The following ANTXR1 variants were observed in gnomAD, a reference collection of about 807,000 sequenced individuals.
The protein encoded by ANTXR1 is ANTXR cell adhesion molecule 1, also known as anthrax toxin receptor 1.
Under a neutral mutation model 78.1 loss-of-function variants are expected in ANTXR1, and 19 were observed. The observed-to-expected ratio is 0.24, with a 90% CI of 0.17 to 0.36. The LOEUF (loss-of-function observed/expected upper bound fraction) is 0.36. ANTXR1 is among the 10% of genes least tolerant of loss of function. The pLI, the probability that ANTXR1 is intolerant of heterozygous loss-of-function variation, is 1.00. For synonymous variants in ANTXR1, 273 were observed against 260.5 expected (o/e 1.05, Z -0.46); for missense variants, 518 against 718.6 (o/e 0.72, Z 3.19).
rs1190221627 is a variant in ANTXR1 at position 69,123,283 on chromosome 2, T to C, written c.872+197T>C. ...AAGTATCTCACTTCATTCTCCCAGGTTCCCCATTAACTAGGTATTCCCACT... is the reference window on the plus strand; with the variant it reads ...AAGTATCTCACTTCATTCTCCCAGGCTCCCCATTAACTAGGTATTCCCACT... On this transcript the variant is annotated intron_variant, in intron 11 of 17. Transcript: ENST00000303714. 2.6e-5 allele frequency among the ~76,000 whole-genome samples: 4 copies of C among 152,136 alleles called. No individual in the cohort carries two copies. In the East Asian group the frequency reaches 7.7e-4, roughly 29 times the overall value.
At chr2:69,175,681 T>TG (rs1043355275) in intron 14 of ANTXR1, among the ~76,000 whole-genome samples, 46 of 152,070 alleles carry the variant, frequency 3.0e-4, no homozygotes, top group African/African-American at 1.1e-3. Context: ...ATATATGCAC[T>TG]GGGGGGCGGG....
At position 69,220,347 on chromosome 2, in the gene ANTXR1, C is replaced by T. The variant is rs534369748; in HGVS notation, c.1435-24878C>T. On this transcript the variant is annotated intron_variant, in intron 17 of 17. Transcript: ENST00000303714. ...TTGAGTTTCCTGACCAAAATTAAACCGTTGCAGTTGTAGTATCTTTCTCTT... is the reference window on the plus strand; with the variant it reads ...TTGAGTTTCCTGACCAAAATTAAACTGTTGCAGTTGTAGTATCTTTCTCTT... Among the ~76,000 whole-genome samples, 13 of 152,214 alleles carry T rather than the reference C, an allele frequency of 8.5e-5. No homozygotes were observed. The South Asian group carries it at 1.0e-3, about 12-fold the overall frequency.
chr2:69,051,404 A>G (rs1669930735), intron 3 of ANTXR1, among the ~76,000 whole-genome samples: 1 of 151,996 alleles, frequency 6.6e-6, no homozygotes, highest in Non-Finnish European at 1.5e-5. Flanking sequence ...TCCTGTTCTT[A>G]TTATTGTTAA....
rs181448445 is a variant in ANTXR1 at position 69,016,053 on chromosome 2, T to C, written c.152+2402T>C. On this transcript the variant is annotated intron_variant, in intron 1 of 17. Coordinates refer to ENST00000303714, the MANE Select transcript of ANTXR1 (RefSeq NM_032208.3). The stretch of plus-strand genomic sequence containing the variant: ...TCAGTATTGGCCAATTTGTGGGAGA[T>C]AGGCACTGTCATTTCTTACTAGGGA... 1.4e-3 allele frequency among the ~76,000 whole-genome samples: 217 copies of C among 152,322 alleles called. 1 individual carries two copies. The highest frequency in any genetic ancestry group is 4.9e-3 in the African/African-American group (204 of 41,576).
At chr2:69,221,683 CAAA>C (rs200296772) in intron 17 of ANTXR1, among the ~76,000 whole-genome samples, 2 of 80,448 alleles carry the variant, frequency 2.5e-5, no homozygotes, top group Admixed American at 1.4e-4. Flanking sequence ...TTCCCCACTA[CAAA>C]AAAAAAAAAA....
intron 12 of ANTXR1, among the ~76,000 whole-genome samples, chr2:69,137,953 G>A (rs1042422337): frequency 6.6e-6 from 1 of 151,638 alleles, no homozygotes; most frequent in South Asian, 2.1e-4. Context: ...GTGTGGTAGC[G>A]GACACCTGTA....
intron 3 of ANTXR1, among the ~76,000 whole-genome samples, chr2:69,062,860 A>G (rs1670288424): frequency 6.6e-6 from 1 of 152,180 alleles, no homozygotes; most frequent in Admixed American, 6.5e-5. Context: ...GGGGGAAGAT[A>G]TGGGTGATCA....
intron 1 of ANTXR1, among the ~76,000 whole-genome samples, chr2:69,024,504 A>C (rs1671286283): frequency 6.6e-6 from 1 of 152,198 alleles, no homozygotes; most frequent in Non-Finnish European, 1.5e-5. Flanking sequence ...AGCTGAGAAG[A>C]AGCAGAACAG....
At chr2:69,103,141 A>T (rs1671681534) in intron 10 of ANTXR1, 5 of 643,680 alleles carry the variant, frequency 7.8e-6, no homozygotes, top group South Asian at 6.6e-5. Flanking sequence ...GCACAGCCCC[A>T]TGGGTGTCCA....
Position 69,145,259 on chromosome 2 carries a change from C to T in ANTXR1, c.952-6910C>T. 6 of 1,499,686 alleles carry T rather than the reference C, an allele frequency of 4.0e-6. No individual in the cohort carries two copies. In the South Asian group the frequency reaches 7.2e-5, roughly 18 times the overall value. The allele number at this position is 1,499,686 out of a possible 1,614,324, so 92.9% of individuals were successfully genotyped here. On this transcript the variant is annotated intron_variant, in intron 12 of 17. Transcript: ENST00000303714. The stretch of plus-strand genomic sequence containing the variant: ...TCACTTGCATGGGTCCCTGCTAGGC[C>T]CTTCTAAGGCCAGGGGAGTAGCCCT...
chr2:69,098,918 G>C (rs868063374), intron 9 of ANTXR1, among the ~76,000 whole-genome samples: 1 of 152,140 alleles, frequency 6.6e-6, no homozygotes, highest in South Asian at 2.1e-4. Flanking sequence ...CTTAGGAGGC[G>C]GAGGTTGCAG....
At chr2:69,100,657 A>G (rs1358784782) in intron 9 of ANTXR1, among the ~76,000 whole-genome samples, 1 of 152,268 alleles carries the variant, frequency 6.6e-6, no homozygotes, top group Non-Finnish European at 1.5e-5. Context: ...AAGTAGGCAC[A>G]GAAGTGAGGC....
At chr2:69,077,310 A>C in intron 7 of ANTXR1, 98 bp from the exon 8 acceptor site, 1 of 1,303,148 alleles carries the variant, frequency 7.7e-7, no homozygotes, top group Non-Finnish European at 1.1e-6. Context: ...TGGGTTCTGA[A>C]TATAACTAGA....
chr2:69,174,824 C>G (rs900327498), intron 14 of ANTXR1, among the ~76,000 whole-genome samples: 1 of 152,290 alleles, frequency 6.6e-6, no homozygotes, highest in Non-Finnish European at 1.5e-5. Flanking sequence ...ATGTGAAGCA[C>G]TTTTTGTGGT....
chr2:69,100,486 C>T (rs1326470295), intron 9 of ANTXR1, among the ~76,000 whole-genome samples: 1 of 152,182 alleles, frequency 6.6e-6, no homozygotes, highest in Non-Finnish European at 1.5e-5. Flanking sequence ...TTCCTAAACT[C>T]CCTGAGGTGG....
At chr2:69,016,998 G>C (rs1287195172) in intron 1 of ANTXR1, among the ~76,000 whole-genome samples, 1 of 152,192 alleles carries the variant, frequency 6.6e-6, no homozygotes, top group African/African-American at 2.4e-5. Flanking sequence ...ATGGTGGGGA[G>C]ACCTTTACAG....
At chr2:69,033,440 A>C (rs753637691) in intron 1 of ANTXR1, among the ~76,000 whole-genome samples, 2 of 152,206 alleles carry the variant, frequency 1.3e-5, no homozygotes, top group Non-Finnish European at 2.9e-5. Flanking sequence ...CAAGGGTCTA[A>C]TATGCAAAGA....
Position 69,082,582 on chromosome 2 carries a change from A to G in ANTXR1, c.642+5094A>G, listed in dbSNP as rs1452429226. On this transcript the variant is annotated intron_variant, in intron 8 of 17. Transcript: ENST00000303714. ...TCCTGGGTCTTTGCTTGCCTTTTCA[A>G]AAGTGTTTCAGGCAGTGAAACAGGA... Among the ~76,000 whole-genome samples, 4 of 152,250 alleles carry G rather than the reference A, an allele frequency of 2.6e-5. No homozygotes were observed. In the East Asian group the frequency reaches 7.7e-4, roughly 29 times the overall value.
intron 10 of ANTXR1, among the ~76,000 whole-genome samples, chr2:69,115,224 T>A (rs1247162457): frequency 6.6e-6 from 1 of 152,228 alleles, no homozygotes; most frequent in African/African-American, 2.4e-5. Flanking sequence ...TTGAGAACAC[T>A]GCACTATATT....
Sources: allele counts gnomAD v4.1 joint callset (sites outside exome capture counted in the v4.1 genomes callset), GRCh38; gene constraint gnomAD v4.1.1; transcripts MANE v1.5; gene names NCBI Gene and HGNC (gene_info 2026-07-23, HGNC 2026-07-21).